CCL19: variants seen among roughly 807,000 people sequenced by gnomAD.
The protein encoded by CCL19 is C-C motif chemokine 19.
A neutral mutation model predicts 9.7 loss-of-function variants in CCL19; 5 were observed. The observed-to-expected ratio is 0.51, with a 90% CI of 0.27 to 1.08. The LOEUF (loss-of-function observed/expected upper bound fraction) is 1.08. Among genes scored for constraint, CCL19 ranks in the 50% least tolerant of loss-of-function variants. The pLI, the probability that CCL19 is intolerant of heterozygous loss-of-function variation, is 0.12. For missense variants in CCL19, 90 were observed against 122.5 expected, an observed-to-expected ratio of 0.73 and a Z score of 1.25; for synonymous variants, 40 against 47.4, an observed-to-expected ratio of 0.84 and a Z score of 0.64.
At position 34,689,701 on chromosome 9, in the gene CCL19, A is replaced by C; in HGVS notation, c.*118T>G. On this transcript the variant is annotated 3_prime_UTR_variant, in exon 4 of 4. Transcript: ENST00000311925. This position sits in a 1 kb window ranked among gnomAD's most constrained non-coding sequence, Gnocchi z 4.1. ...ACCCCAGGCCCTGTCCTGGCTGGTC[A>C]GGTCTGGTGCAGAGGAGCTGGAAGC... 1 of 1,181,264 alleles carries C rather than the reference A, an allele frequency of 8.5e-7. No homozygotes were observed. Among genetic ancestry groups the C allele is most frequent in the Non-Finnish European group, 1.2e-6 (1 of 806,194 alleles). The allele number at this position is 1,181,264 out of a possible 1,614,324, so 73.2% of individuals were successfully genotyped here. A position where few individuals can be genotyped will look rare whatever the true frequency, so the allele number is the denominator to read the frequency against.
chr9:34,689,641 C>T lies in CCL19; in HGVS notation c.*178G>A. ...GGGTGGAGCAGCTTTACTCTGACCA[C>T]ACTCACCCTCTCGCTCACACTCACA... On this transcript the variant is annotated 3_prime_UTR_variant, in exon 4 of 4. Transcript: ENST00000311925. The surrounding 1 kb of genome is among the most constrained non-coding windows in gnomAD (Gnocchi z 4.1). 1.4e-6 allele frequency: 1 copy of T among 692,430 alleles called. No individual in the cohort carries two copies. 42.9% of individuals were successfully genotyped at this position (692,430 alleles called of 1,614,324 possible).
At position 34,690,272 on chromosome 9, in the gene CCL19, C is replaced by T. The variant is rs1821778567; in HGVS notation, c.120G>A (p.Gly40=). ...CLSVTQKPIP[G]YIVRNFHYLL... Reference sequence around the variant, plus strand: ...GGTAGTGGAAGTTCCTCACGATGTACCCAGGGATGGGTTTCTGGGTCACAG... The same window carrying T: ...GGTAGTGGAAGTTCCTCACGATGTATCCAGGGATGGGTTTCTGGGTCACAG... Residue 40 remains glycine, a synonymous_variant, in exon 2 of 4, where the codon GGG becomes GGA. Coordinates refer to ENST00000311925, the MANE Select transcript of CCL19 (RefSeq NM_006274.3). 6.2e-7 allele frequency: 1 copy of T among 1,614,088 alleles called. No homozygotes were observed. Among genetic ancestry groups the T allele is most frequent in the Non-Finnish European group, 8.5e-7 (1 of 1,179,990 alleles).
At position 34,690,385 on chromosome 9, in the gene CCL19, G is replaced by A. The variant is rs188077904; in HGVS notation, c.50-43C>T. ...GGTGACAGGACACAGGGACCCTTGA[G>A]GGTGGCATGGCCATGGCCCTAGCTC... is the stretch of plus-strand genomic sequence containing the variant. On this transcript the variant is annotated intron_variant, in intron 1 of 3. Transcript: ENST00000311925. 15 of 1,606,166 alleles carry A rather than the reference G, an allele frequency of 9.3e-6. No homozygotes were observed. The East Asian group carries it at 3.4e-4, about 36-fold the overall frequency.
chr9:34,689,881 A>G lies in CCL19; in HGVS notation c.277-42T>C, dbSNP rs1042036405. The stretch of plus-strand genomic sequence containing the variant: ...AGGAAGGATCATGGGCTGGAATCTT[A>G]GACAGGAGCTCAGAGGGAGGAGACA... On this transcript the variant is annotated intron_variant, in intron 3 of 3. Coordinates refer to ENST00000311925, the MANE Select transcript of CCL19 (RefSeq NM_006274.3). The surrounding 1 kb of genome is among the most constrained non-coding windows in gnomAD (Gnocchi z 4.1). 6 of 1,614,140 alleles carry G rather than the reference A, an allele frequency of 3.7e-6. No homozygotes were observed. The South Asian group carries it at 6.6e-5, about 18-fold the overall frequency.
At position 34,689,588 on chromosome 9, in the gene CCL19, C is replaced by T. The variant is rs1164084954; in HGVS notation, c.*231G>A. On this transcript the variant is annotated 3_prime_UTR_variant, in exon 4 of 4. Coordinates refer to ENST00000311925, the MANE Select transcript of CCL19 (RefSeq NM_006274.3). The surrounding 1 kb of genome is among the most constrained non-coding windows in gnomAD (Gnocchi z 4.1). ...TGATCAATTAGTTGTAAACACCAGG[C>T]GGCTTTATTGGTAGCATTGCAATCT... is the stretch of plus-strand genomic sequence containing the variant. The T allele has an allele frequency of 2.4e-5, 13 of 548,530 alleles. No homozygotes were observed. Among genetic ancestry groups the T allele is most frequent in the East Asian group, 8.7e-5 (3 of 34,506 alleles). The allele number at this position is 548,530 out of a possible 1,614,324, so 34.0% of individuals were successfully genotyped here. A position where few individuals can be genotyped will look rare whatever the true frequency, so the allele number is the denominator to read the frequency against.
In CCL19 at chr9:34,691,265, G is replaced by A. The variant is rs939703207; in HGVS notation, c.-126C>T. On this transcript the variant is annotated 5_prime_UTR_variant, in exon 1 of 4. Transcript: ENST00000311925. The stretch of plus-strand genomic sequence containing the variant: ...GTGAAATGCAAGGTGTGAGTGATGT[G>A]AGGCTGGGAATGTGAGCCCTGCAGC... 2.8e-5 allele frequency: 20 copies of A among 718,440 alleles called. No individual in the cohort carries two copies. The highest frequency in any genetic ancestry group is 4.7e-5 in the Non-Finnish European group (20 of 428,888). 44.5% of individuals were successfully genotyped at this position (718,440 alleles called of 1,614,324 possible).
At chr9:34,690,070 C>T in intron 2 of CCL19, 47 bp from the exon 3 acceptor site, 1 of 1,600,050 alleles carries the variant, frequency 6.2e-7, no homozygotes, top group Non-Finnish European at 8.6e-7. Context: ...TCCAGCATGC[C>T]TGGGGACCAT....
Position 34,689,588 on chromosome 9 carries a change from C to A in CCL19, c.*231G>T, listed in dbSNP as rs1164084954. 1.8e-6 allele frequency: 1 copy of A among 548,648 alleles called. No individual in the cohort carries two copies. Among genetic ancestry groups the A allele is most frequent in the Admixed American group, 3.3e-5 (1 of 30,304 alleles). The allele number at this position is 548,648 out of a possible 1,614,324, so 34.0% of individuals were successfully genotyped here. ...TGATCAATTAGTTGTAAACACCAGG[C>A]GGCTTTATTGGTAGCATTGCAATCT... On this transcript the variant is annotated 3_prime_UTR_variant, in exon 4 of 4. Coordinates refer to ENST00000311925, the MANE Select transcript of CCL19 (RefSeq NM_006274.3). The surrounding 1 kb of genome is among the most constrained non-coding windows in gnomAD (Gnocchi z 4.1).
In CCL19 at chr9:34,689,884, C is replaced by G; in HGVS notation, c.277-45G>C. 1 of 1,614,140 alleles carries G rather than the reference C, an allele frequency of 6.2e-7. No individual in the cohort carries two copies. Among genetic ancestry groups the G allele is most frequent in the African/African-American group, 1.3e-5 (1 of 75,034 alleles). On this transcript the variant is annotated intron_variant, in intron 3 of 3. Coordinates refer to ENST00000311925, the MANE Select transcript of CCL19 (RefSeq NM_006274.3). This position sits in a 1 kb window ranked among gnomAD's most constrained non-coding sequence, Gnocchi z 4.1. ...AAGGATCATGGGCTGGAATCTTAGA[C>G]AGGAGCTCAGAGGGAGGAGACAGGG...
rs146071887 is a variant in CCL19, at chr9:34,690,592, C to T, written c.50-250G>A. Among the ~76,000 whole-genome samples, 596 of 152,132 alleles carry T rather than the reference C, an allele frequency of 3.9e-3. 5 individuals are homozygous for T. The highest frequency in any genetic ancestry group is 0.014 in the African/African-American group (562 of 41,504). ...AACTGTTTTGTAAATAACCACTGCC[C>T]TGAGCCCCACAAATGACTTCCTGCT... is the stretch of plus-strand genomic sequence containing the variant. On this transcript the variant is annotated intron_variant, in intron 1 of 3. Coordinates refer to ENST00000311925, the MANE Select transcript of CCL19 (RefSeq NM_006274.3).
At chr9:34,690,101 G>T in intron 2 of CCL19, 78 bp from the exon 3 acceptor site, 1 of 1,587,530 alleles carries the variant, frequency 6.3e-7, no homozygotes, top group Non-Finnish European at 8.6e-7. Context: ...CTGTTTCAGG[G>T]ATTTCCTTGA....
chr9:34,690,466 G>GTGTGTGTT, intron 1 of CCL19, 124 bp from the exon 2 acceptor site: 1 of 871,380 alleles, frequency 1.1e-6, no homozygotes, highest in Non-Finnish European at 1.8e-6. Flanking sequence ...GTGTGTGTGT[G>GTGTGTGTT]TGTCTGGTGG....
At position 34,689,948 on chromosome 9, in the gene CCL19, C is replaced by G. The variant is rs1821774710; in HGVS notation, c.258G>C (p.Leu86=). 6.2e-7 allele frequency: 1 copy of G among 1,614,118 alleles called. No homozygotes were observed. The highest frequency in any genetic ancestry group is 8.5e-7 in the Non-Finnish European group (1 of 1,180,018). Residue 86 remains leucine, a synonymous_variant, in exon 3 of 4, where the codon CTG becomes CTC. Coordinates refer to ENST00000311925, the MANE Select transcript of CCL19 (RefSeq NM_006274.3). The surrounding 1 kb of genome is among the most constrained non-coding windows in gnomAD (Gnocchi z 4.1). The part of the protein sequence containing the change: ...QPWVERIIQR[L]QRTSAKMKRR... Reference sequence around the variant, plus strand: ...GGCTTGCCTTGGCTGAGGTCCTCTGCAGTCTCTGGATGATGCGTTCTACCC... The same window carrying G: ...GGCTTGCCTTGGCTGAGGTCCTCTGGAGTCTCTGGATGATGCGTTCTACCC...
intron 1 of CCL19, 124 bp from the exon 2 acceptor site, chr9:34,690,466 GT>G: frequency 1.1e-6 from 1 of 871,380 alleles, no homozygotes; most frequent in Non-Finnish European, 1.8e-6. Context: ...GTGTGTGTGT[GT>G]GTCTGGTGGG....
rs749588803 is a variant in CCL19 at position 34,689,910 on chromosome 9, C to T, written c.276+20G>A. Reference sequence around the variant, plus strand: ...AGGAGCTCAGAGGGAGGAGACAGGGCCAGGGAGGGCCAGGCTTGCCTTGGC... The same window carrying T: ...AGGAGCTCAGAGGGAGGAGACAGGGTCAGGGAGGGCCAGGCTTGCCTTGGC... On this transcript the variant is annotated intron_variant, in intron 3 of 3. Coordinates refer to ENST00000311925, the MANE Select transcript of CCL19 (RefSeq NM_006274.3). The surrounding 1 kb of genome is among the most constrained non-coding windows in gnomAD (Gnocchi z 4.1). 2.5e-6 allele frequency: 4 copies of T among 1,613,916 alleles called. No homozygotes were observed. Among genetic ancestry groups the T allele is most frequent in the Non-Finnish European group, 3.4e-6 (4 of 1,179,842 alleles).
chr9:34,691,085 C>T lies in CCL19; in HGVS notation c.49+6G>A, dbSNP rs1821787127. 1.9e-6 allele frequency: 3 copies of T among 1,605,802 alleles called. No individual in the cohort carries two copies. The East Asian group carries it at 6.7e-5, about 36-fold the overall frequency. ...CCTCTGACCCTGACTCTCCCTTCAG[C>T]CTTACCTGGGGAAGTCCAGAGAACC... On this transcript the variant is annotated splice_donor_region_variant and intron_variant, in intron 1 of 3. Coordinates refer to ENST00000311925, the MANE Select transcript of CCL19 (RefSeq NM_006274.3).
chr9:34,690,098 A>C (rs1204496846), intron 2 of CCL19, 75 bp from the exon 3 acceptor site: 1 of 1,588,464 alleles, frequency 6.3e-7, no homozygotes, highest in Non-Finnish European at 8.6e-7. Context: ...AACCTGTTTC[A>C]GGGATTTCCT....
Position 34,689,960 on chromosome 9 carries a change from G to C in CCL19, c.246C>G (p.Ile82Met). Reference sequence around the variant, plus strand: ...CTGAGGTCCTCTGCAGTCTCTGGATGATGCGTTCTACCCAGGGCTGGTCTG... The same window carrying C: ...CTGAGGTCCTCTGCAGTCTCTGGATCATGCGTTCTACCCAGGGCTGGTCTG... ...APPDQPWVER[I>M]IQRLQRTSAK... The change falls in exon 3 of 4, where the codon ATC becomes ATG. Residue 82 changes from isoleucine (I) to methionine (M), a missense_variant. Physicochemically the swap from Ile to Met is conservative, Grantham distance 10. Transcript: ENST00000311925. The surrounding 1 kb of genome is among the most constrained non-coding windows in gnomAD (Gnocchi z 4.1). 2 of 1,614,158 alleles carry C rather than the reference G, an allele frequency of 1.2e-6. No homozygotes were observed. Among genetic ancestry groups the C allele is most frequent in the Middle Eastern group, 1.6e-4 (1 of 6,062 alleles).
In CCL19 at chr9:34,689,714, A is replaced by G; in HGVS notation, c.*105T>C. 7.4e-7 allele frequency: 1 copy of G among 1,350,896 alleles called. No homozygotes were observed. The highest frequency in any genetic ancestry group is 1.0e-6 in the Non-Finnish European group (1 of 954,144). The allele number at this position is 1,350,896 out of a possible 1,614,324, so 83.7% of individuals were successfully genotyped here. ...TCCTGGCTGGTCAGGTCTGGTGCAG[A>G]GGAGCTGGAAGCCTGGTCCTTCCTT... On this transcript the variant is annotated 3_prime_UTR_variant, in exon 4 of 4. Coordinates refer to ENST00000311925, the MANE Select transcript of CCL19 (RefSeq NM_006274.3). The surrounding 1 kb of genome is among the most constrained non-coding windows in gnomAD (Gnocchi z 4.1).
Sources: gnomAD v4.1 joint callset for allele counts (sites outside exome capture counted in the v4.1 genomes callset) on GRCh38, gnomAD v4.1.1 for gene constraint, Gnocchi (gnomAD v3.1) non-coding constraint, MANE v1.5 for transcripts, NCBI Gene and HGNC (gene_info 2026-07-23, HGNC 2026-07-21) for gene names.